Variants in GPC5 observed in about 807,000 individuals in gnomAD.
The protein encoded by GPC5 is glypican-5.
A neutral mutation model predicts 53.9 loss-of-function variants in GPC5; 47 were observed. The ratio of observed to expected loss-of-function variants is 0.87; its 90% CI spans 0.69 to 1.11. The LOEUF (loss-of-function observed/expected upper bound fraction) is 1.11, where lower values mean the gene tolerates loss of function less well. Among genes scored for constraint, GPC5 ranks in the 50% most tolerant of loss-of-function variants. The pLI is 0.00. For synonymous variants in GPC5, 286 were observed against 263.3 expected, an observed-to-expected ratio of 1.09 and a Z score of -0.84; for missense variants, 748 against 713.1, an observed-to-expected ratio of 1.05 and a Z score of -0.56.
chr13:92,723,568 A>G (rs1290248156), intron 7 of GPC5, among the ~76,000 whole-genome samples: 1 of 151,684 alleles, frequency 6.6e-6, no homozygotes, highest in African/African-American at 2.4e-5. Context: ...AATAAGTTCT[A>G]TGGGAAAGGG....
intron 6 of GPC5, among the ~76,000 whole-genome samples, chr13:91,919,462 A>G (rs1363213615): frequency 6.6e-6 from 1 of 152,240 alleles, no homozygotes; most frequent in African/African-American, 2.4e-5. Context: ...GATCATGTCA[A>G]TACCCATTTA....
At chr13:92,010,896 C>A (rs1287592221) in intron 6 of GPC5, among the ~76,000 whole-genome samples, 1 of 152,180 alleles carries the variant, frequency 6.6e-6, no homozygotes, top group African/African-American at 2.4e-5. Context: ...TCTGTTATGG[C>A]AGCCTGAACA....
At chr13:92,487,644 G>A (rs1324789617) in intron 7 of GPC5, among the ~76,000 whole-genome samples, 2 of 151,946 alleles carry the variant, frequency 1.3e-5, no homozygotes, top group Non-Finnish European at 2.9e-5. Context: ...TTTAAGTGCT[G>A]CACGTGACCC....
chr13:92,369,946 T>C (rs2043636994), intron 7 of GPC5, among the ~76,000 whole-genome samples: 4 of 152,350 alleles, frequency 2.6e-5, no homozygotes, highest in Admixed American at 1.3e-4. Flanking sequence ...GGTGCTTATA[T>C]ATGATTCATC....
intron 7 of GPC5, among the ~76,000 whole-genome samples, chr13:92,632,873 C>A (rs148786421): frequency 4.7e-4 from 71 of 152,044 alleles, no homozygotes; most frequent in African/African-American, 1.7e-3. Flanking sequence ...CAGAGAAACT[C>A]CCATTTTTTT....
intron 5 of GPC5, among the ~76,000 whole-genome samples, chr13:91,869,954 A>G (rs926320672): frequency 9.2e-5 from 14 of 152,146 alleles, no homozygotes; most frequent in Non-Finnish European, 1.5e-5. Flanking sequence ...ACCTCCCACC[A>G]GGTCCTTCCG....
At chr13:92,789,577 A>G (rs888273798) in intron 7 of GPC5, among the ~76,000 whole-genome samples, 2 of 152,138 alleles carry the variant, frequency 1.3e-5, no homozygotes, top group Non-Finnish European at 2.9e-5. Flanking sequence ...CTTCATAGTC[A>G]TTATTAAATA....
intron 7 of GPC5, among the ~76,000 whole-genome samples, chr13:92,776,635 C>T (rs953663852): frequency 6.6e-6 from 1 of 152,052 alleles, no homozygotes; most frequent in African/African-American, 2.4e-5. Flanking sequence ...TTTATATTTT[C>T]CAAATTTTAT....
chr13:91,524,740 G>A (rs1316109254), intron 2 of GPC5, among the ~76,000 whole-genome samples: 1 of 152,090 alleles, frequency 6.6e-6, no homozygotes, highest in African/African-American at 2.4e-5. Flanking sequence ...CCACTCTCAG[G>A]TTATAGAGGA....
At chr13:92,039,206 A>G (rs1451528367) in intron 6 of GPC5, among the ~76,000 whole-genome samples, 1 of 152,230 alleles carries the variant, frequency 6.6e-6, no homozygotes, top group East Asian at 1.9e-4. Context: ...CGGAGTAAGA[A>G]TTGGAAGAAG....
intron 5 of GPC5, among the ~76,000 whole-genome samples, chr13:91,763,394 G>C (rs1319257885): frequency 1.3e-5 from 2 of 152,054 alleles, no homozygotes; most frequent in Admixed American, 1.3e-4. Flanking sequence ...AGACATGTTG[G>C]GTGGGATTGT....
chr13:92,376,528 G>T (rs994430889), intron 7 of GPC5, among the ~76,000 whole-genome samples: 1 of 152,160 alleles, frequency 6.6e-6, no homozygotes, highest in Non-Finnish European at 1.5e-5. Flanking sequence ...TCTGGTCTTA[G>T]ACTGTTGACG....
intron 7 of GPC5, among the ~76,000 whole-genome samples, chr13:92,395,181 C>T (rs994240235): frequency 3.3e-5 from 5 of 152,190 alleles, no homozygotes; most frequent in African/African-American, 1.2e-4. Flanking sequence ...ACATGCTCCT[C>T]TCCTTTTATA....
intron 7 of GPC5, among the ~76,000 whole-genome samples, chr13:92,347,401 A>G (rs1054176803): frequency 3.3e-5 from 5 of 152,104 alleles, no homozygotes; most frequent in African/African-American, 1.2e-4. Context: ...GTGCTGAAGA[A>G]ACACAAGCTT....
intron 2 of GPC5, among the ~76,000 whole-genome samples, chr13:91,625,564 A>G (rs74107729): frequency 0.046 from 6,963 of 152,090 alleles, 199 homozygotes; most frequent in Middle Eastern, 0.071. Flanking sequence ...AAAATGAAGT[A>G]AACAGACTTA....
At chr13:92,076,086 T>TA (rs2041249550) in intron 6 of GPC5, among the ~76,000 whole-genome samples, 2 of 151,730 alleles carry the variant, frequency 1.3e-5, no homozygotes, top group South Asian at 4.2e-4. Flanking sequence ...TAATTTTTTT[T>TA]TTTTTTTGAG....
At chr13:92,130,402 A>G (rs1367926361) in intron 6 of GPC5, among the ~76,000 whole-genome samples, 1 of 151,998 alleles carries the variant, frequency 6.6e-6, no homozygotes, top group East Asian at 1.9e-4. Context: ...TAAGTTCTGT[A>G]TCTGTTATAG....
At chr13:92,476,607 C>T (rs546425316) in intron 7 of GPC5, among the ~76,000 whole-genome samples, 46 of 149,356 alleles carry the variant, frequency 3.1e-4, no homozygotes, top group South Asian at 1.7e-3. Flanking sequence ...ATGTTTACTG[C>T]GGCATTATTC....
intron 2 of GPC5, among the ~76,000 whole-genome samples, chr13:91,511,400 G>T (rs1157724762): frequency 2.0e-5 from 3 of 151,774 alleles, no homozygotes; most frequent in Admixed American, 2.0e-4. Context: ...TGGCTCTCTG[G>T]GTTGATACAT....
Sources: allele counts gnomAD v4.1 joint callset (sites outside exome capture counted in the v4.1 genomes callset), GRCh38; gene constraint gnomAD v4.1.1; transcripts MANE v1.5; gene names NCBI Gene and HGNC (gene_info 2026-07-23, HGNC 2026-07-21).